TANK: variants seen among roughly 807,000 people sequenced by gnomAD.
TANK encodes the protein TRAF family member associated NFKB activator.
A neutral mutation model predicts 43.6 loss-of-function variants in TANK; 15 were observed. The ratio of observed to expected loss-of-function variants is 0.34; its 90% CI spans 0.23 to 0.53. The LOEUF is 0.53. Among genes scored for constraint, TANK ranks in the 20% least tolerant of loss-of-function variants. The pLI is 0.94. For synonymous variants in TANK, 162 were observed against 178.2 expected, an observed-to-expected ratio of 0.91 and a Z score of 0.73; for missense variants, 417 against 498.6, an observed-to-expected ratio of 0.84 and a Z score of 1.56.
At chr2:161,140,959 A>G (rs1178940168) in intron 1 of TANK, among the ~76,000 whole-genome samples, 1 of 152,146 alleles carries the variant, frequency 6.6e-6, no homozygotes, top group Non-Finnish European at 1.5e-5. Context: ...TTGCATTAGT[A>G]TGGCACATTT....
At chr2:161,172,586 TCTC>T (rs1573980819) in intron 1 of TANK, among the ~76,000 whole-genome samples, 2 of 152,146 alleles carry the variant, frequency 1.3e-5, no homozygotes, top group African/African-American at 2.4e-5. Flanking sequence ...GTATCTTCCC[TCTC>T]CTCCTGAAAA....
chr2:161,200,685 C>T (rs1686364381), intron 2 of TANK: 1 of 317,474 alleles, frequency 3.1e-6, no homozygotes, highest in Non-Finnish European at 4.6e-6. Flanking sequence ...GTCGTATTTA[C>T]CTACTGACCT....
chr2:161,159,468 C>A (rs1045001648), upstream of TANK, among the ~76,000 whole-genome samples: 3 of 152,132 alleles, frequency 2.0e-5, no homozygotes, highest in Non-Finnish European at 4.4e-5. Flanking sequence ...GAAAACTATT[C>A]AACTGGTCAA....
Position 161,215,810 on chromosome 2 carries a change from C to T in TANK, c.328-8105C>T, listed in dbSNP as rs113131757. ...CACCTATACACTCTGAGCTTCTCTG[C>T]TGCTTGGTTAAGCAGTGTCTTGCTA... On this transcript the variant is annotated intron_variant, in intron 4 of 7. Transcript: ENST00000392749. Among the ~76,000 whole-genome samples, 81 of 152,170 alleles carry T rather than the reference C, an allele frequency of 5.3e-4. 1 individual carries two copies. Among genetic ancestry groups the T allele is most frequent in the Non-Finnish European group, 4.0e-4 (27 of 68,020 alleles).
chr2:161,140,813 G>GT (rs57081002), intron 1 of TANK, among the ~76,000 whole-genome samples: 77 of 150,312 alleles, frequency 5.1e-4, no homozygotes, highest in East Asian at 9.7e-4. Flanking sequence ...GATAGTAAGG[G>GT]TTTTTTTTTA....
chr2:161,185,760 C>T (rs1172469014), intron 2 of TANK, among the ~76,000 whole-genome samples: 1 of 150,002 alleles, frequency 6.7e-6, no homozygotes, highest in African/African-American at 2.5e-5. Flanking sequence ...ATACCTAATG[C>T]CAGATGACGA....
At chr2:161,167,631 T>G (rs1485287535) in intron 1 of TANK, among the ~76,000 whole-genome samples, 2 of 151,868 alleles carry the variant, frequency 1.3e-5, no homozygotes, top group African/African-American at 4.8e-5. Flanking sequence ...TTTGTTTGTT[T>G]TTGTTTTTTG....
chr2:161,206,859 A>C (rs925841395), intron 4 of TANK, among the ~76,000 whole-genome samples: 1 of 152,120 alleles, frequency 6.6e-6, no homozygotes, highest in Non-Finnish European at 1.5e-5. Flanking sequence ...TGTCTTCCAA[A>C]TGCCATTACT....
chr2:161,167,775 A>G (rs1284485040), intron 1 of TANK, among the ~76,000 whole-genome samples: 1 of 152,056 alleles, frequency 6.6e-6, no homozygotes, highest in Non-Finnish European at 1.5e-5. Flanking sequence ...AATGCCCGCC[A>G]CCACGACCGG....
chr2:161,172,319 C>T (rs926319193), intron 1 of TANK, among the ~76,000 whole-genome samples: 16 of 133,860 alleles, frequency 1.2e-4, no homozygotes, highest in Admixed American at 1.2e-3. Context: ...TTGCTTTTCT[C>T]TATTGTTTTC....
chr2:161,171,023 G>T lies in TANK; in HGVS notation c.-49-8591G>T, dbSNP rs185816514. Among the ~76,000 whole-genome samples, 35 of 152,274 alleles carry T rather than the reference G, an allele frequency of 2.3e-4. 1 individual carries two copies. In the East Asian group the frequency reaches 6.7e-3, roughly 29 times the overall value. On this transcript the variant is annotated intron_variant, in intron 1 of 7. Transcript: ENST00000392749. Reference sequence around the variant, plus strand: ...TTTTATTTTTTTCCAGAGGCAAAAGGAAGTGAAACAGCAAATCTGAGTTTC... The same window carrying T: ...TTTTATTTTTTTCCAGAGGCAAAAGTAAGTGAAACAGCAAATCTGAGTTTC...
intron 1 of TANK, among the ~76,000 whole-genome samples, chr2:161,166,859 TTATGTAC>T (rs1340992785): frequency 2.6e-5 from 4 of 152,184 alleles, no homozygotes; most frequent in African/African-American, 7.2e-5. Flanking sequence ...ATTCACCTCT[TTATGTAC>T]TACAGTGGCA....
At chr2:161,192,326 G>A (rs16845702) in intron 2 of TANK, among the ~76,000 whole-genome samples, 5,620 of 152,162 alleles carry the variant, frequency 0.037, 222 homozygotes, top group East Asian at 0.18. Flanking sequence ...AAGCTGCTGC[G>A]TGGAATAATA....
intron 2 of TANK, among the ~76,000 whole-genome samples, chr2:161,198,176 C>T (rs1231151803): frequency 2.0e-5 from 3 of 152,168 alleles, no homozygotes; most frequent in African/African-American, 7.2e-5. Context: ...TAGATATTCC[C>T]ACTCCAAAAT....
chr2:161,212,726 TAG>T, intron 4 of TANK: 1 of 985,304 alleles, frequency 1.0e-6, no homozygotes, highest in Non-Finnish European at 1.2e-6. Flanking sequence ...GCACACAGAA[TAG>T]AGTCGATAAG....
Position 161,160,459 on chromosome 2 carries a change from A to G in TANK, c.-77A>G, listed in dbSNP as rs985628117. The G allele has an allele frequency of 8.1e-6, 10 of 1,237,910 alleles. No individual in the cohort carries two copies. Among genetic ancestry groups the G allele is most frequent in the Admixed American group, 4.1e-5 (1 of 24,102 alleles). 76.7% of individuals were successfully genotyped at this position (1,237,910 alleles called of 1,614,324 possible). On this transcript the variant is annotated 5_prime_UTR_variant, in exon 1 of 8. Coordinates refer to ENST00000392749, the MANE Select transcript of TANK (RefSeq NM_001199135.3). Reference sequence around the variant, plus strand: ...CCAGGCGCCGGCGACCTGAGGGGAGAGGGAACGCAGCTGAAAGCGTGAACT... The same window carrying G: ...CCAGGCGCCGGCGACCTGAGGGGAGGGGGAACGCAGCTGAAAGCGTGAACT...
In TANK at chr2:161,188,074, G is replaced by A. The variant is rs916206536; in HGVS notation, c.99+8313G>A. 2.6e-5 allele frequency among the ~76,000 whole-genome samples: 4 copies of A among 152,228 alleles called. No homozygotes were observed. The South Asian group carries it at 8.3e-4, about 32-fold the overall frequency. ...CAGTAAAAGCAGTGAATAGAGAAAT[G>A]TTTAGCTGTAAATGCATGTATTGAA... On this transcript the variant is annotated intron_variant, in intron 2 of 7. Transcript: ENST00000392749.
chr2:161,150,115 T>C (rs1285029879), intron 1 of TANK, among the ~76,000 whole-genome samples: 2 of 152,132 alleles, frequency 1.3e-5, no homozygotes, highest in Non-Finnish European at 2.9e-5. Flanking sequence ...TGATGGCTTC[T>C]TTGTGGGGAG....
rs565896277 is a variant in TANK at position 161,140,050 on chromosome 2, G to A, written c.-50+2987G>A. 5.6e-5 allele frequency: 26 copies of A among 460,324 alleles called. No homozygotes were observed. The East Asian group carries it at 3.6e-3, about 64-fold the overall frequency. The allele number at this position is 460,324 out of a possible 1,614,324, so 28.5% of individuals were successfully genotyped here. On this transcript the variant is annotated intron_variant, in intron 1 of 7. Coordinates refer to the TANK transcript ENST00000259075. Reference sequence around the variant, plus strand: ...TTTTTGTTTTTATATTCATAAGTCTGTAAAAATTAGTCTATATTTTTATTT... The same window carrying A: ...TTTTTGTTTTTATATTCATAAGTCTATAAAAATTAGTCTATATTTTTATTT...
Sources: allele counts gnomAD v4.1 joint callset (sites outside exome capture counted in the v4.1 genomes callset), GRCh38; gene constraint gnomAD v4.1.1; transcripts MANE v1.5; gene names NCBI Gene and HGNC (gene_info 2026-07-23, HGNC 2026-07-21).